The following KCNH1 variants were observed in gnomAD, a reference collection of about 807,000 sequenced individuals.
KCNH1 encodes voltage-gated delayed rectifier potassium channel KCNH1.
In KCNH1, 27 loss-of-function variants were observed where a neutral mutation model predicts 69.2. The ratio of observed to expected loss-of-function variants is 0.39; its 90% CI spans 0.29 to 0.54. KCNH1 has a LOEUF of 0.54. Ranked by LOEUF, KCNH1 falls within the 20% of genes least tolerant of loss-of-function variation. The pLI, the probability that KCNH1 is intolerant of heterozygous loss-of-function variation, is 0.68. For synonymous variants in KCNH1, 456 were observed against 487.7 expected (o/e 0.93, Z 0.86); for missense variants, 798 against 1,261.6 (o/e 0.63, Z 5.57).
intron 7 of KCNH1, among the ~76,000 whole-genome samples, chr1:210,847,568 C>T (rs377262647): frequency 1.7e-5 from 2 of 115,376 alleles, no homozygotes; most frequent in Non-Finnish European, 3.5e-5. Flanking sequence ...CATCACACAA[C>T]GGGGCCTGTT....
At chr1:210,812,045 C>T (rs970336918) in intron 7 of KCNH1, among the ~76,000 whole-genome samples, 9 of 152,156 alleles carry the variant, frequency 5.9e-5, no homozygotes, top group African/African-American at 2.2e-4. Flanking sequence ...CCAGGTGATA[C>T]TTTTACTGCT....
At chr1:211,000,758 A>G (rs1389695050) in intron 6 of KCNH1, among the ~76,000 whole-genome samples, 1 of 152,212 alleles carries the variant, frequency 6.6e-6, no homozygotes, top group African/African-American at 2.4e-5. Flanking sequence ...CCTGACTTCA[A>G]ACTATACTAC....
At chr1:211,072,896 A>T (rs1038353936) in intron 5 of KCNH1, among the ~76,000 whole-genome samples, 2 of 152,222 alleles carry the variant, frequency 1.3e-5, no homozygotes, top group African/African-American at 2.4e-5. Flanking sequence ...TAATCACTTT[A>T]AACTTCAGTG....
chr1:210,822,781 G>A (rs781070798), intron 7 of KCNH1, among the ~76,000 whole-genome samples: 1 of 152,006 alleles, frequency 6.6e-6, no homozygotes, highest in African/African-American at 2.4e-5. Context: ...CAGCTCAAAT[G>A]CCATCAAGCC....
At chr1:210,908,881 A>G (rs1350437138) in intron 7 of KCNH1, among the ~76,000 whole-genome samples, 1 of 152,198 alleles carries the variant, frequency 6.6e-6, no homozygotes, top group Non-Finnish European at 1.5e-5. Flanking sequence ...GGGCACGTGC[A>G]GCTCTGCAGA....
chr1:210,716,415 G>A (rs1682249763), intron 10 of KCNH1, among the ~76,000 whole-genome samples: 2 of 122,106 alleles, frequency 1.6e-5, no homozygotes, highest in South Asian at 2.6e-4. Flanking sequence ...CTGGGCGACA[G>A]AGCAAGACTC....
In KCNH1 at chr1:210,893,421, GT is replaced by G. The variant is rs149536499; in HGVS notation, c.1462+26218del. 3.9e-3 allele frequency among the ~76,000 whole-genome samples: 590 copies of G among 151,856 alleles called. 6 individuals carry two copies. The highest frequency in any genetic ancestry group is 0.014 in the African/African-American group (563 of 41,452). On this transcript the variant is annotated intron_variant, in intron 7 of 10. Coordinates refer to ENST00000271751, the MANE Select transcript of KCNH1 (RefSeq NM_172362.3). Reference sequence around the variant, plus strand: ...TTACATAGCATATATTTTTTCCTATGTTTGCTTTTAAGATTTTCTTTTTATC... The same window carrying G: ...TTACATAGCATATATTTTTTCCTATGTTGCTTTTAAGATTTTCTTTTTATC...
At chr1:210,810,537 G>C (rs1684681223) in intron 7 of KCNH1, among the ~76,000 whole-genome samples, 1 of 151,802 alleles carries the variant, frequency 6.6e-6, no homozygotes, top group Admixed American at 6.6e-5. Context: ...CTCCTAGATT[G>C]ATCTCATTTT....
intron 10 of KCNH1, among the ~76,000 whole-genome samples, chr1:210,749,497 T>G (rs932592324): frequency 6.6e-6 from 1 of 152,156 alleles, no homozygotes; most frequent in African/African-American, 2.4e-5. Context: ...GGGTGTTCAA[T>G]CAGCAACACA....
intron 7 of KCNH1, among the ~76,000 whole-genome samples, chr1:210,846,525 A>C (rs983229010): frequency 5.9e-5 from 9 of 152,302 alleles, no homozygotes; most frequent in Admixed American, 2.6e-4. Context: ...CTGGCTAGCC[A>C]TATGTAGAAA....
At chr1:210,961,526 T>C (rs1688292638) in intron 6 of KCNH1, among the ~76,000 whole-genome samples, 2 of 152,344 alleles carry the variant, frequency 1.3e-5, no homozygotes, top group South Asian at 2.1e-4. Context: ...GTCTTTTCTC[T>C]TGTTTCCTGA....
At chr1:210,739,923 G>A (rs1682980096) in intron 10 of KCNH1, among the ~76,000 whole-genome samples, 1 of 152,128 alleles carries the variant, frequency 6.6e-6, no homozygotes, top group Admixed American at 6.5e-5. Context: ...GAAAAGCTCA[G>A]CTGTTGCATT....
intron 5 of KCNH1, among the ~76,000 whole-genome samples, chr1:211,052,381 C>T (rs1395931102): frequency 6.6e-6 from 1 of 152,192 alleles, no homozygotes; most frequent in African/African-American, 2.4e-5. Context: ...ACAGTCACAG[C>T]CATATTGCCC....
At chr1:210,718,657 C>G (rs879451987) in intron 10 of KCNH1, among the ~76,000 whole-genome samples, 1 of 43,640 alleles carries the variant, frequency 2.3e-5, no homozygotes, top group Non-Finnish European at 4.5e-5. Flanking sequence ...TATATACACA[C>G]ACACACACAC....
intron 10 of KCNH1, among the ~76,000 whole-genome samples, chr1:210,747,860 C>G (rs1683196936): frequency 6.6e-6 from 1 of 152,146 alleles, no homozygotes; most frequent in African/African-American, 2.4e-5. Flanking sequence ...CATTTTCCCC[C>G]TAGCTGCACC....
At chr1:210,958,422 G>T (rs193262575) in intron 6 of KCNH1, among the ~76,000 whole-genome samples, 1 of 152,100 alleles carries the variant, frequency 6.6e-6, no homozygotes, top group Non-Finnish European at 1.5e-5. Flanking sequence ...TCTTTGTGGG[G>T]TTCTCTGTAT....
intron 7 of KCNH1, among the ~76,000 whole-genome samples, chr1:210,857,805 G>C (rs1379742990): frequency 6.6e-6 from 1 of 152,108 alleles, no homozygotes; most frequent in Non-Finnish European, 1.5e-5. Flanking sequence ...TTTTCAACTT[G>C]CAGTTAGAAA....
intron 1 of KCNH1, among the ~76,000 whole-genome samples, chr1:211,113,483 A>G (rs537052205): frequency 2.0e-5 from 3 of 152,194 alleles, no homozygotes; most frequent in African/African-American, 7.2e-5. Flanking sequence ...TTCCTTGAAG[A>G]CTACCATCTT....
chr1:210,926,745 G>A (rs894040040), intron 6 of KCNH1, among the ~76,000 whole-genome samples: 2 of 152,016 alleles, frequency 1.3e-5, no homozygotes, highest in African/African-American at 4.8e-5. Flanking sequence ...AAAGAATTCG[G>A]GAGGTTGATT....
Sources: gnomAD v4.1 joint callset for allele counts (sites outside exome capture counted in the v4.1 genomes callset) on GRCh38, gnomAD v4.1.1 for gene constraint, MANE v1.5 for transcripts, NCBI Gene and HGNC (gene_info 2026-07-23, HGNC 2026-07-21) for gene names.